Variants in LGALS9 observed in about 807,000 individuals in gnomAD.
LGALS9 encodes galectin 9.
LGALS9 carries 26 observed loss-of-function variants against 35.9 expected under a neutral mutation model. That is an observed-to-expected ratio of 0.72 (90% CI 0.53 to 1.01). LGALS9 has a LOEUF of 1.01. LGALS9 is among the 50% of genes least tolerant of loss of function. The pLI is 0.00. For synonymous variants in LGALS9, 149 were observed against 172.2 expected (o/e 0.87, Z 1.06); for missense variants, 347 against 445.8 (o/e 0.78, Z 1.99).
chr17:27,639,020 T>C (rs2074486829), intron 2 of LGALS9, among the ~76,000 whole-genome samples: 1 of 152,102 alleles, frequency 6.6e-6, no homozygotes, highest in Non-Finnish European at 1.5e-5. Context: ...TGGGGGACCA[T>C]GGGTGGCTGC....
In LGALS9 at chr17:27,638,354, GGT is replaced by G; in HGVS notation, c.131+9_131+10del. The stretch of plus-strand genomic sequence containing the variant: ...ACCGTTCTCAGCTCCAGTGGAACCA[GGT>G]GTGTGTGTATATGGATGGAAACGTT... On this transcript the variant is annotated splice_donor_variant, in intron 2 of 10. Transcript: ENST00000395473. LOFTEE classifies it high-confidence loss of function. The G allele has an allele frequency of 2.5e-6, 2 of 807,040 alleles. No individual in the cohort carries two copies. Among genetic ancestry groups the G allele is most frequent in the Non-Finnish European group, 4.3e-6 (2 of 468,312 alleles). The allele number at this position is 807,040 out of a possible 1,614,324, so 50.0% of individuals were successfully genotyped here.
rs375225575 is a variant in LGALS9, at chr17:27,645,824, G to A, written c.577-37G>A. ...TGGTGGGAGCTGGTGGTTTTCACACGTGAGAGCCTGGGTGAGACCTGGTTT... is the reference window on the plus strand; with the variant it reads ...TGGTGGGAGCTGGTGGTTTTCACACATGAGAGCCTGGGTGAGACCTGGTTT... On this transcript the variant is annotated intron_variant, in intron 6 of 10. Transcript: ENST00000395473. 2.6e-4 allele frequency: 403 copies of A among 1,566,970 alleles called. No homozygotes were observed. In the Middle Eastern group the frequency reaches 2.9e-3, roughly 11 times the overall value.
intron 2 of LGALS9, chr17:27,638,711 C>CTGAA (rs1438193714): frequency 5.8e-6 from 2 of 347,006 alleles, no homozygotes; most frequent in African/African-American, 4.2e-5. Context: ...CTCATCCACT[C>CTGAA]TGAAGCTCTC....
intron 1 of LGALS9, among the ~76,000 whole-genome samples, chr17:27,637,664 C>T (rs956039008): frequency 2.0e-4 from 31 of 152,298 alleles, no homozygotes; most frequent in Non-Finnish European, 3.2e-4. Context: ...GGAAGACGCT[C>T]TGCTGAAGGT....
intron 1 of LGALS9, among the ~76,000 whole-genome samples, chr17:27,632,214 C>T (rs2074399989): frequency 6.9e-6 from 1 of 144,294 alleles, no homozygotes; most frequent in African/African-American, 2.6e-5. Flanking sequence ...TGGCAAAGAG[C>T]TTCCCGAGGG....
rs1344056663 is a variant in LGALS9 at position 27,631,246 on chromosome 17, G to A, written c.-20G>A. On this transcript the variant is annotated 5_prime_UTR_variant, in exon 1 of 11. Transcript: ENST00000395473. ...CTAGTGGGTGTGAAAGGCAGCGGTG[G>A]CCACAGAGGCGGCGGAGAGATGGCC... 1 of 1,614,198 alleles carries A rather than the reference G, an allele frequency of 6.2e-7. No homozygotes were observed. The highest frequency in any genetic ancestry group is 1.1e-5 in the South Asian group (1 of 91,090).
At chr17:27,631,962 G>C in intron 1 of LGALS9, among the ~76,000 whole-genome samples, 1 of 152,110 alleles carries the variant, frequency 6.6e-6, no homozygotes, top group Non-Finnish European at 1.5e-5. Flanking sequence ...TGGAGGGGCA[G>C]TCTCAGAGGT....
intron 10 of LGALS9, among the ~76,000 whole-genome samples, chr17:27,648,547 C>T (rs1004508945): frequency 1.7e-4 from 26 of 152,108 alleles, no homozygotes; most frequent in Non-Finnish European, 1.3e-4. Context: ...CTGCAGGAGC[C>T]CAGGCCCAGA....
chr17:27,640,911 A>G (rs1904445240), intron 3 of LGALS9, 138 bp downstream of exon 3: 16 of 1,359,114 alleles, frequency 1.2e-5, no homozygotes, highest in Non-Finnish European at 1.5e-5. Flanking sequence ...TTTCCTTGTG[A>G]GGTGTTACCC....
intron 1 of LGALS9, among the ~76,000 whole-genome samples, chr17:27,633,502 G>A (rs575952193): frequency 9.9e-5 from 15 of 152,222 alleles, no homozygotes; most frequent in Non-Finnish European, 1.9e-4. Flanking sequence ...GGCCAGCCAG[G>A]CTGAGCTCCC....
Position 27,649,041 on chromosome 17 carries a change from C to T in LGALS9, c.*59C>T. 3 of 1,609,908 alleles carry T rather than the reference C, an allele frequency of 1.9e-6. No homozygotes were observed. The highest frequency in any genetic ancestry group is 2.5e-6 in the Non-Finnish European group (3 of 1,177,340). Reference sequence around the variant, plus strand: ...TGTGGGGCAGTCTGGGTCCTCTCATCATCCCCACTTCCCAGGCCCAGCCTT... The same window carrying T: ...TGTGGGGCAGTCTGGGTCCTCTCATTATCCCCACTTCCCAGGCCCAGCCTT... On this transcript the variant is annotated 3_prime_UTR_variant, in exon 11 of 11. Transcript: ENST00000395473.
In LGALS9 at chr17:27,641,473, C is replaced by G. The variant is rs139051570; in HGVS notation, c.333+700C>G. 1.6e-4 allele frequency among the ~76,000 whole-genome samples: 25 copies of G among 152,258 alleles called. No individual in the cohort carries two copies. The East Asian group carries it at 4.6e-3, about 28-fold the overall frequency. On this transcript the variant is annotated intron_variant, in intron 3 of 10. Coordinates refer to ENST00000395473, the MANE Select transcript of LGALS9 (RefSeq NM_009587.3). The stretch of plus-strand genomic sequence containing the variant: ...ACATGTTCTTACTTATAAGTAGGAG[C>G]TGAACGATGAGAACACATGGACAAA...
chr17:27,640,794 C>T (rs1229058823), intron 3 of LGALS9, 21 bp downstream of exon 3: 1 of 1,613,214 alleles, frequency 6.2e-7, no homozygotes, highest in Non-Finnish European at 8.5e-7. Flanking sequence ...ATCCCCTCCC[C>T]ACCTCTCACC....
intron 9 of LGALS9, 71 bp downstream of exon 9, chr17:27,647,189 T>A: frequency 6.2e-7 from 1 of 1,613,894 alleles, no homozygotes; most frequent in Admixed American, 1.7e-5. Flanking sequence ...TTCCCCTGGC[T>A]TCAGGAAGGC....
chr17:27,646,005 G>C, intron 7 of LGALS9, 94 bp downstream of exon 7: 1 of 1,553,356 alleles, frequency 6.4e-7, no homozygotes, highest in Non-Finnish European at 8.9e-7. Flanking sequence ...GGAAGAAAGC[G>C]GTTTAGCAAG....
intron 1 of LGALS9, among the ~76,000 whole-genome samples, chr17:27,634,289 C>A (rs2074419745): frequency 6.6e-6 from 1 of 152,192 alleles, no homozygotes; most frequent in South Asian, 2.1e-4. Context: ...TGGCTCATGC[C>A]TATAATCCCA....
At chr17:27,632,260 G>A (rs2074400492) in intron 1 of LGALS9, among the ~76,000 whole-genome samples, 2 of 151,670 alleles carry the variant, frequency 1.3e-5, no homozygotes, top group South Asian at 4.2e-4. Context: ...CTTCCTGGGT[G>A]GGGAGGCAGG....
At chr17:27,639,476 T>G (rs1001148668) in intron 2 of LGALS9, among the ~76,000 whole-genome samples, 1 of 152,184 alleles carries the variant, frequency 6.6e-6, no homozygotes, top group African/African-American at 2.4e-5. Context: ...GGCAGGAATT[T>G]CGAAAGGACT....
intron 1 of LGALS9, among the ~76,000 whole-genome samples, chr17:27,632,819 C>T (rs892014348): frequency 6.6e-6 from 1 of 152,222 alleles, no homozygotes; most frequent in Non-Finnish European, 1.5e-5. Flanking sequence ...CCCTCTACCC[C>T]ACGGGGGCTC....
Sources: gnomAD v4.1 joint callset for allele counts (sites outside exome capture counted in the v4.1 genomes callset) on GRCh38, gnomAD v4.1.1 for gene constraint, MANE v1.5 for transcripts, NCBI Gene and HGNC (gene_info 2026-07-23, HGNC 2026-07-21) for gene names.